ABI1: variants seen among roughly 807,000 people sequenced by gnomAD.
The protein encoded by ABI1 is abl interactor 1.
ABI1 carries 14 observed loss-of-function variants against 54.6 expected under a neutral mutation model. The observed-to-expected ratio is 0.26, with a 90% CI of 0.17 to 0.40. ABI1 has a LOEUF of 0.40. ABI1 is among the 10% of genes least tolerant of loss of function. The pLI is 1.00. For missense variants in ABI1, 443 were observed against 598.3 expected (o/e 0.74, Z 2.71); for synonymous variants, 194 against 209.3 (o/e 0.93, Z 0.63).
At chr10:26,858,413 G>C (rs2051009270) in intron 1 of ABI1, among the ~76,000 whole-genome samples, 1 of 151,266 alleles carries the variant, frequency 6.6e-6, no homozygotes, top group Admixed American at 6.6e-5. Context: ...AACGTATAAA[G>C]GCTACTAAGG....
At chr10:26,755,826 G>A (rs1486123017) in intron 8 of ABI1, 85 bp from the exon 9 acceptor site, 8 of 929,350 alleles carry the variant, frequency 8.6e-6, no homozygotes, top group Non-Finnish European at 1.3e-5. Context: ...TCAGTTACAA[G>A]GACCACAAAC....
chr10:26,842,144 G>A (rs926171252), intron 1 of ABI1, among the ~76,000 whole-genome samples: 2 of 152,092 alleles, frequency 1.3e-5, no homozygotes, highest in Non-Finnish European at 1.5e-5. Context: ...GTGAGGTGAC[G>A]CCCACAGTGG....
At chr10:26,784,168 G>C (rs1276577812) in intron 2 of ABI1, among the ~76,000 whole-genome samples, 1 of 152,132 alleles carries the variant, frequency 6.6e-6, no homozygotes, top group African/African-American at 2.4e-5. Flanking sequence ...ACTGACAACT[G>C]GGTCTGCCCC....
intron 9 of ABI1, among the ~76,000 whole-genome samples, chr10:26,753,619 A>G (rs1837911012): frequency 1.3e-5 from 2 of 152,212 alleles, no homozygotes; most frequent in South Asian, 4.1e-4. Context: ...AATACTTATT[A>G]ATAGGCTGCT....
chr10:26,754,945 C>G (rs981418247), intron 9 of ABI1, among the ~76,000 whole-genome samples: 1 of 146,464 alleles, frequency 6.8e-6, no homozygotes, highest in African/African-American at 2.7e-5. Context: ...TAACTTCTCC[C>G]CCCCCACAAA....
chr10:26,769,051 C>G, intron 5 of ABI1, 59 bp from the exon 6 acceptor site: 1 of 1,330,634 alleles, frequency 7.5e-7, no homozygotes. Context: ...TGTATTTTTC[C>G]CAAAAATATG....
At chr10:26,773,666 C>T (rs1841027931) in intron 3 of ABI1, among the ~76,000 whole-genome samples, 1 of 152,130 alleles carries the variant, frequency 6.6e-6, no homozygotes, top group African/African-American at 2.4e-5. Context: ...GCTGAGACGG[C>T]TCCAGCATTC....
chr10:26,787,379 C>T (rs1182159153), intron 2 of ABI1, among the ~76,000 whole-genome samples: 1 of 152,152 alleles, frequency 6.6e-6, no homozygotes, highest in Non-Finnish European at 1.5e-5. Flanking sequence ...ATCATGGAAT[C>T]CACAACTCTC....
intron 2 of ABI1, among the ~76,000 whole-genome samples, chr10:26,796,261 C>T (rs533263721): frequency 6.6e-6 from 1 of 152,292 alleles, no homozygotes; most frequent in South Asian, 2.1e-4. Flanking sequence ...GTTAATAAAA[C>T]TGTATTGTAC....
intron 2 of ABI1, among the ~76,000 whole-genome samples, chr10:26,807,112 AT>A (rs1173602381): frequency 1.3e-5 from 2 of 152,220 alleles, no homozygotes; most frequent in Non-Finnish European, 2.9e-5. Flanking sequence ...CCTTTAAAAA[AT>A]GTTTTGATTT....
At chr10:26,836,237 C>T (rs1007045184) in intron 1 of ABI1, among the ~76,000 whole-genome samples, 2 of 152,000 alleles carry the variant, frequency 1.3e-5, no homozygotes, top group Non-Finnish European at 1.5e-5. Flanking sequence ...CTCAGCCTCC[C>T]GAGTAGCTGG....
intron 2 of ABI1, among the ~76,000 whole-genome samples, chr10:26,789,396 C>T (rs894996195): frequency 6.6e-6 from 1 of 152,150 alleles, no homozygotes; most frequent in African/African-American, 2.4e-5. Flanking sequence ...TGAATACATA[C>T]ACACATTTGA....
intron 2 of ABI1, among the ~76,000 whole-genome samples, chr10:26,815,821 G>T (rs2047527500): frequency 6.6e-6 from 1 of 152,184 alleles, no homozygotes; most frequent in Non-Finnish European, 1.5e-5. Context: ...TGAGGCGGGA[G>T]GATCATTTGA....
At chr10:26,859,575 T>TACACAGTTAAAGATCTTCAAAACAA (rs2051129872) in intron 1 of ABI1, among the ~76,000 whole-genome samples, 1 of 152,244 alleles carries the variant, frequency 6.6e-6, no homozygotes, top group South Asian at 2.1e-4. Context: ...ACTGTTGGTT[T>TACACAGTTAAAGATCTTCAAAACAA]ACACAGTTAA....
chr10:26,845,809 A>G (rs1287006753), intron 1 of ABI1, among the ~76,000 whole-genome samples: 1 of 139,734 alleles, frequency 7.2e-6, no homozygotes, highest in Non-Finnish European at 1.5e-5. Context: ...AAGAAAAATA[A>G]TAGTCACAGT....
chr10:26,808,829 G>C (rs990291416), intron 2 of ABI1, among the ~76,000 whole-genome samples: 1 of 152,086 alleles, frequency 6.6e-6, no homozygotes, highest in African/African-American at 2.4e-5. Flanking sequence ...AGAAGAAAGG[G>C]GGAGGGGACA....
chr10:26,801,537 A>G (rs1216368418), intron 2 of ABI1, among the ~76,000 whole-genome samples: 1 of 152,012 alleles, frequency 6.6e-6, no homozygotes, highest in East Asian at 1.9e-4. Flanking sequence ...ATAGGACCAG[A>G]ACTTGTCTCA....
intron 3 of ABI1, 109 bp from the exon 4 acceptor site, chr10:26,771,198 T>C: frequency 8.4e-7 from 1 of 1,196,032 alleles, no homozygotes. Flanking sequence ...GTTAATAAGC[T>C]TTTTTCCAGC....
intron 9 of ABI1, among the ~76,000 whole-genome samples, chr10:26,754,611 C>T (rs997345206): frequency 5.3e-5 from 8 of 152,090 alleles, no homozygotes; most frequent in African/African-American, 1.9e-4. Flanking sequence ...GAGAATAACA[C>T]AACAGGGTCA....
Sources: allele counts gnomAD v4.1 joint callset (sites outside exome capture counted in the v4.1 genomes callset), GRCh38; gene constraint gnomAD v4.1.1; transcripts MANE v1.5; gene names NCBI Gene and HGNC (gene_info 2026-07-23, HGNC 2026-07-21).